Variants in SHROOM3 observed in about 807,000 individuals in gnomAD.
The protein encoded by SHROOM3 is shroom family member 3.
SHROOM3 carries 47 observed loss-of-function variants against 138.6 expected under a neutral mutation model. That is an observed-to-expected ratio of 0.34 (90% CI 0.27 to 0.43). The LOEUF (loss-of-function observed/expected upper bound fraction) is 0.43. SHROOM3 is among the 20% of genes least tolerant of loss of function. SHROOM3 has a pLI of 1.00. For missense variants in SHROOM3, 2,491 were observed against 2,596.5 expected (o/e 0.96, Z 0.88); for synonymous variants, 1,062 against 1,063.3 (o/e 1.00, Z 0.02).
At chr4:76,759,814 C>G in intron 9 of SHROOM3, 119 bp downstream of exon 9, 1 of 1,138,286 alleles carries the variant, frequency 8.8e-7, no homozygotes, top group South Asian at 1.3e-5. Context: ...GTCACATCAC[C>G]AGATTGCACC....
rs1180946280 is a variant in SHROOM3 at position 76,759,709 on chromosome 4, G to A, written c.5349+14G>A. The A allele has an allele frequency of 6.2e-7, 1 of 1,612,012 alleles. No homozygotes were observed. Among genetic ancestry groups the A allele is most frequent in the African/African-American group, 1.3e-5 (1 of 74,946 alleles). The stretch of plus-strand genomic sequence containing the variant: ...AATGAAAAGAAGGTAAATAAAGAAT[G>A]GGATGCCCTTGTTCAGCTTTCCTCA... On this transcript the variant is annotated intron_variant, in intron 9 of 10. Transcript: ENST00000296043.
At chr4:76,443,750 G>A (rs1730746227) in intron 1 of SHROOM3, among the ~76,000 whole-genome samples, 1 of 152,222 alleles carries the variant, frequency 6.6e-6, no homozygotes. Flanking sequence ...TAGAATGGAA[G>A]TGATTCTTTT....
At chr4:76,691,013 T>A (rs7693068) in intron 2 of SHROOM3, among the ~76,000 whole-genome samples, 24,381 of 152,114 alleles carry the variant, frequency 0.16, 2,280 homozygotes, top group East Asian at 0.34. Flanking sequence ...TGAATCAACT[T>A]CCCACATCTG....
rs33994270 is a variant in SHROOM3 at position 76,651,401 on chromosome 4, AATATATATATATATATATAT to A, written c.324-58729_324-58710del. On this transcript the variant is annotated intron_variant, in intron 2 of 10. Coordinates refer to ENST00000296043, the MANE Select transcript of SHROOM3 (RefSeq NM_020859.4). ...ATTAACACATCTCATGTAACCCATAAATATATATATATATATATATATATATATATATATATATATATATA... is the reference window on the plus strand; with the variant it reads ...ATTAACACATCTCATGTAACCCATAAATATATATATATATATATATATATA... Among the ~76,000 whole-genome samples, 235 of 86,746 alleles carry A rather than the reference AATATATATATATATATATAT, an allele frequency of 2.7e-3. 5 individuals are homozygous for A. The highest frequency in any genetic ancestry group is 3.6e-3 in the Non-Finnish European group (147 of 41,174). 56.9% of individuals were successfully genotyped at this position (86,746 alleles called of 152,430 possible). A position where few individuals can be genotyped will look rare whatever the true frequency, so the allele number is the denominator to read the frequency against.
chr4:76,472,211 AT>A (rs1176930979), intron 1 of SHROOM3, among the ~76,000 whole-genome samples: 1 of 152,216 alleles, frequency 6.6e-6, no homozygotes, highest in Non-Finnish European at 1.5e-5. Context: ...CCTCATGTGG[AT>A]TGGGGCAAAA....
rs370920872 is a variant in SHROOM3, at chr4:76,664,622, C to T, written c.324-45534C>T. Among the ~76,000 whole-genome samples the T allele has an allele frequency of 6.6e-6, 1 of 152,084 alleles. No homozygotes were observed. Among genetic ancestry groups the T allele is most frequent in the African/African-American group, 2.4e-5 (1 of 41,416 alleles). On this transcript the variant is annotated intron_variant, in intron 2 of 10. Transcript: ENST00000296043. This position sits in a 1 kb window ranked among gnomAD's most constrained non-coding sequence, Gnocchi z 4.2. ...CTTTATGCTTTTGTTACTGTTGTAT[C>T]GTTTTATTGTGGCAAACAGACACAC...
chr4:76,552,008 C>T (rs1365471184), intron 1 of SHROOM3, among the ~76,000 whole-genome samples: 3 of 142,326 alleles, frequency 2.1e-5, no homozygotes, highest in Admixed American at 6.9e-5. Flanking sequence ...ACTACAGGCG[C>T]CCGCCATCAC....
intron 3 of SHROOM3, among the ~76,000 whole-genome samples, chr4:76,713,563 T>C (rs1720291575): frequency 6.6e-6 from 1 of 152,222 alleles, no homozygotes; most frequent in Admixed American, 6.5e-5. Flanking sequence ...GTTAGCTTCT[T>C]TTTTTAATAA....
At chr4:76,573,250 A>G (rs1407605609) in intron 2 of SHROOM3, among the ~76,000 whole-genome samples, 1 of 151,678 alleles carries the variant, frequency 6.6e-6, no homozygotes, top group Admixed American at 6.6e-5. Flanking sequence ...AATTTCTGAT[A>G]ATCATTGAAT....
chr4:76,652,061 T>G (rs1456077007), intron 2 of SHROOM3, among the ~76,000 whole-genome samples: 1 of 152,156 alleles, frequency 6.6e-6, no homozygotes, highest in Non-Finnish European at 1.5e-5. Flanking sequence ...ATTCTAGAAT[T>G]AATTATGTGT....
At chr4:76,734,285 TTAA>T (rs59191966) in intron 4 of SHROOM3, among the ~76,000 whole-genome samples, 148,439 of 152,184 alleles carry the variant, frequency 0.98, 72,508 homozygotes, top group East Asian at 1. Flanking sequence ...CATCTCTTAG[TTAA>T]ATTATATATT....
At chr4:76,609,619 A>T (rs2110060410) in intron 2 of SHROOM3, among the ~76,000 whole-genome samples, 1 of 152,320 alleles carries the variant, frequency 6.6e-6, no homozygotes, top group South Asian at 2.1e-4. Flanking sequence ...AGAAGTCTTT[A>T]AAAAAGAAAT....
At chr4:76,501,691 C>T (rs1158028555) in intron 1 of SHROOM3, among the ~76,000 whole-genome samples, 1 of 152,138 alleles carries the variant, frequency 6.6e-6, no homozygotes, top group African/African-American at 2.4e-5. Flanking sequence ...AAGTTAATCA[C>T]TGATCATGTC....
chr4:76,540,623 T>C (rs1042237266), intron 1 of SHROOM3, among the ~76,000 whole-genome samples: 2 of 152,210 alleles, frequency 1.3e-5, no homozygotes, highest in Non-Finnish European at 2.9e-5. Flanking sequence ...AACTATCTAG[T>C]CAGTCACATT....
chr4:76,741,527 T>G lies in SHROOM3; in HGVS notation c.3354T>G (p.Ser1118Arg). ...EPGPLRERAQ[S>R]AYLQPGPAAL... ...GGCCACTGCGTGAGCGCGCCCAGAG[T>G]GCCTACCTCCAGCCCGGCCCCGCGG... Residue 1118 changes from serine (S) to arginine (R), a missense_variant, in exon 5 of 11, where the codon AGT (serine) becomes AGG (arginine). Transcript: ENST00000296043. The surrounding 1 kb of genome is among the most constrained non-coding windows in gnomAD (Gnocchi z 6.2). 6.4e-7 allele frequency: 1 copy of G among 1,553,928 alleles called. No homozygotes were observed. Among genetic ancestry groups the G allele is most frequent in the Non-Finnish European group, 8.6e-7 (1 of 1,156,120 alleles).
intron 9 of SHROOM3, among the ~76,000 whole-genome samples, chr4:76,765,535 G>A (rs557854435): frequency 9.2e-5 from 14 of 152,054 alleles, no homozygotes; most frequent in Non-Finnish European, 1.9e-4. Flanking sequence ...AAGCTAAGCT[G>A]AATTCCACTC....
intron 8 of SHROOM3, among the ~76,000 whole-genome samples, chr4:76,757,813 T>TTC (rs1721869745): frequency 1.3e-5 from 2 of 152,216 alleles, no homozygotes; most frequent in South Asian, 4.1e-4. Flanking sequence ...AAAAGACTAC[T>TTC]ATGAGAAAGA....
intron 2 of SHROOM3, among the ~76,000 whole-genome samples, chr4:76,687,874 G>C (rs1488699203): frequency 6.6e-6 from 1 of 152,150 alleles, no homozygotes; most frequent in Non-Finnish European, 1.5e-5. Flanking sequence ...GATTTCACCT[G>C]ACCCAGAGCA....
At chr4:76,702,208 G>A (rs139800728) in intron 2 of SHROOM3, among the ~76,000 whole-genome samples, 1 of 152,316 alleles carries the variant, frequency 6.6e-6, no homozygotes, top group East Asian at 1.9e-4. Context: ...GGAATCTAAT[G>A]GGGTAGGTAG....
Sources: allele counts gnomAD v4.1 joint callset (sites outside exome capture counted in the v4.1 genomes callset), GRCh38; gene constraint gnomAD v4.1.1; non-coding constraint Gnocchi (gnomAD v3.1); transcripts MANE v1.5; gene names NCBI Gene and HGNC (gene_info 2026-07-23, HGNC 2026-07-21).